IP6K3: variants seen among roughly 807,000 people sequenced by gnomAD.
IP6K3 encodes ATP:1D-myo-inositol-hexakisphosphate phosphotransferase.
A neutral mutation model predicts 28.8 loss-of-function variants in IP6K3; 20 were observed. That is an observed-to-expected ratio of 0.70 (90% CI 0.49 to 1.01). IP6K3 has a LOEUF of 1.01. IP6K3 is among the 50% of genes least tolerant of loss of function. The probability of loss-of-function intolerance (pLI) is 0.00; values close to 1 mark genes in which losing one functional copy is unlikely to be tolerated. For synonymous variants in IP6K3, 213 were observed against 221.3 expected (o/e 0.96, Z 0.33); for missense variants, 480 against 537.1 (o/e 0.89, Z 1.05).
chr6:33,744,753 C>T lies in IP6K3; in HGVS notation c.-180+2005G>A, dbSNP rs1766846047. Among the ~76,000 whole-genome samples, 1 of 152,218 alleles carries T rather than the reference C, an allele frequency of 6.6e-6. No homozygotes were observed. Among genetic ancestry groups the T allele is most frequent in the South Asian group, 2.1e-4 (1 of 4,828 alleles). On this transcript the variant is annotated intron_variant, in intron 1 of 5. Transcript: ENST00000293756. This position sits in a 1 kb window ranked among gnomAD's most constrained non-coding sequence, Gnocchi z 4.4. The stretch of plus-strand genomic sequence containing the variant: ...GATGGCAGCTGAAGTTCTGCCTCCA[C>T]CAGGCAGATGTTTTTGAAAAGCTCA...
upstream of IP6K3, among the ~76,000 whole-genome samples, chr6:33,748,418 G>A (rs1461998664): frequency 6.6e-6 from 1 of 151,896 alleles, no homozygotes; most frequent in East Asian, 1.9e-4. Flanking sequence ...TGCCCTCTAC[G>A]CCCACTTCAA....
At chr6:33,750,183 C>T (rs955576390), upstream of IP6K3, among the ~76,000 whole-genome samples, 15 of 152,236 alleles carry the variant, frequency 9.9e-5, no homozygotes, top group Non-Finnish European at 1.9e-4. This position sits in a 1 kb window ranked among gnomAD's most constrained non-coding sequence, Gnocchi z 4.3. Flanking sequence ...TGGCCTGGCC[C>T]ACCATGTGGT....
At position 33,743,671 on chromosome 6, in the gene IP6K3, C is replaced by T. The variant is rs576150592; in HGVS notation, c.-180+3087G>A. Among the ~76,000 whole-genome samples the T allele has an allele frequency of 2.1e-4, 32 of 152,202 alleles. 1 individual carries two copies. Among genetic ancestry groups the T allele is most frequent in the East Asian group, 9.7e-4 (5 of 5,178 alleles). On this transcript the variant is annotated intron_variant, in intron 1 of 5. Coordinates refer to ENST00000293756, the MANE Select transcript of IP6K3 (RefSeq NM_054111.5). ...CCTCTGTCCGTGTGGCTCTCCGGCT[C>T]GGTGGGATCAATACCTAGTGCTGGG... is the stretch of plus-strand genomic sequence containing the variant.
At chr6:33,748,954 C>T (rs1766983993), upstream of IP6K3, among the ~76,000 whole-genome samples, 1 of 152,060 alleles carries the variant, frequency 6.6e-6, no homozygotes, top group African/African-American at 2.4e-5. Context: ...CTCTTGTGTG[C>T]TCTGTCCCTC....
At chr6:33,759,589 C>T in the IP6K3 span, among the ~76,000 whole-genome samples, 3 of 152,166 alleles carry the variant, frequency 2.0e-5, no homozygotes, top group African/African-American at 4.8e-5. Flanking sequence ...GAAGGCCGGG[C>T]GTGGTGGCTC....
upstream of IP6K3, among the ~76,000 whole-genome samples, chr6:33,749,895 C>G (rs1383378141): frequency 6.6e-6 from 1 of 152,094 alleles, no homozygotes; most frequent in East Asian, 1.9e-4. Flanking sequence ...GCGTGGCACT[C>G]ACTATTCTGT....
At chr6:33,754,180 A>T in the IP6K3 span, among the ~76,000 whole-genome samples, 1 of 152,066 alleles carries the variant, frequency 6.6e-6, no homozygotes, top group African/African-American at 2.4e-5. Flanking sequence ...GGCCCCCCAG[A>T]TATACCCAGC....
chr6:33,729,661 T>C (rs1321619216), intron 2 of IP6K3, among the ~76,000 whole-genome samples: 2 of 152,168 alleles, frequency 1.3e-5, no homozygotes, highest in Admixed American at 6.5e-5. Flanking sequence ...CAGTCCCTGG[T>C]TGTACCCCTG....
chr6:33,761,397 G>A, the IP6K3 span, among the ~76,000 whole-genome samples: 5 of 152,114 alleles, frequency 3.3e-5, no homozygotes, highest in Admixed American at 6.5e-5. Context: ...CTGAGGGGCC[G>A]GGGCTGGCCA....
In IP6K3 at chr6:33,726,591, G is replaced by A. The variant is rs1030600455; in HGVS notation, c.589+140C>T. On this transcript the variant is annotated intron_variant, in intron 4 of 5. Coordinates refer to ENST00000293756, the MANE Select transcript of IP6K3 (RefSeq NM_054111.5). ...CGGGTTTGAGGGCTTGTGCCTTCCA[G>A]CTATCCCTCACATCTGTCTCTCCCT... 42 of 849,190 alleles carry A rather than the reference G, an allele frequency of 4.9e-5. No individual in the cohort carries two copies. In the African/African-American group the frequency reaches 6.9e-4, roughly 14 times the overall value. The allele number at this position is 849,190 out of a possible 1,614,324, so 52.6% of individuals were successfully genotyped here.
At chr6:33,727,719 A>G (rs1036353574) in intron 3 of IP6K3, 1 of 612,288 alleles carries the variant, frequency 1.6e-6, no homozygotes, top group Non-Finnish European at 2.0e-6. Context: ...AATTAGCCAC[A>G]CTTTTCCTCT....
At chr6:33,730,484 G>A (rs1428116372) in intron 2 of IP6K3, among the ~76,000 whole-genome samples, 2 of 152,132 alleles carry the variant, frequency 1.3e-5, no homozygotes, top group African/African-American at 2.4e-5. Context: ...TAATGATAAC[G>A]CTGTCCCTGA....
upstream of IP6K3, among the ~76,000 whole-genome samples, chr6:33,751,482 C>T (rs935573209): frequency 2.7e-5 from 3 of 109,208 alleles, no homozygotes; most frequent in Admixed American, 1.0e-4. This position sits in a 1 kb window ranked among gnomAD's most constrained non-coding sequence, Gnocchi z 4.3. Context: ...CCTCTGCAGG[C>T]CGTGTGTGTG....
the IP6K3 span, among the ~76,000 whole-genome samples, chr6:33,755,063 T>G: frequency 6.6e-6 from 1 of 152,284 alleles, no homozygotes; most frequent in South Asian, 2.1e-4. Flanking sequence ...AGGTGAGACA[T>G]AGTGAGACCT....
At chr6:33,761,489 T>C in the IP6K3 span, among the ~76,000 whole-genome samples, 2 of 152,120 alleles carry the variant, frequency 1.3e-5, no homozygotes. Flanking sequence ...TTACCTGGAC[T>C]TAGCCCACCT....
chr6:33,725,369 A>C, intron 5 of IP6K3, 72 bp downstream of exon 5: 1 of 1,451,972 alleles, frequency 6.9e-7, no homozygotes, highest in Non-Finnish European at 9.2e-7. Flanking sequence ...TGGCATCTGG[A>C]TGGGAGATAT....
chr6:33,726,749 G>C lies in IP6K3; in HGVS notation c.571C>G (p.Pro191Ala). Residue 191 changes from proline to alanine, a missense_variant, in exon 4 of 6, where the codon CCA becomes GCA. Physicochemically the swap from Pro to Ala is conservative, Grantham distance 27. Coordinates refer to ENST00000293756, the MANE Select transcript of IP6K3 (RefSeq NM_054111.5). ...AHLTRLCSEY[P>A]ENKRHRFLLL... ...AGGATACGATGCCGCTTGTTCTCTG[G>C]GTACTCGGAGCACAGGCGGGTCAGG... 1.3e-6 allele frequency: 2 copies of C among 1,598,466 alleles called. No homozygotes were observed. Among genetic ancestry groups the C allele is most frequent in the South Asian group, 2.2e-5 (2 of 90,128 alleles).
rs1449479583 is a variant in IP6K3 at position 33,735,451 on chromosome 6, G to A, written c.26C>T (p.Ala9Val). 1 of 1,611,092 alleles carries A rather than the reference G, an allele frequency of 6.2e-7. No homozygotes were observed. Among genetic ancestry groups the A allele is most frequent in the African/African-American group, 1.3e-5 (1 of 75,054 alleles). The change falls in exon 2 of 6, where the codon GCC becomes GTC. Residue 9 changes from alanine (A) to valine (V), a missense_variant. Physicochemically the swap from Ala to Val is moderately conservative, Grantham distance 64. Transcript: ENST00000293756. ...CTGCACGCCTGCCCTCATGTCCCCG[G>A]CGTCTGCGCTGTTTTGCACAACCAT... MVVQNSAD[A>V]GDMRAGVQLE... is the part of the protein sequence containing the mutation.
chr6:33,760,029 T>A, the IP6K3 span, among the ~76,000 whole-genome samples: 1 of 152,132 alleles, frequency 6.6e-6, no homozygotes, highest in Admixed American at 6.5e-5. Flanking sequence ...AGAGAGGGAC[T>A]GAGCCTGCGA....
Sources: allele counts gnomAD v4.1 joint callset (sites outside exome capture counted in the v4.1 genomes callset), GRCh38; gene constraint gnomAD v4.1.1; non-coding constraint Gnocchi (gnomAD v3.1); transcripts MANE v1.5; gene names NCBI Gene and HGNC (gene_info 2026-07-23, HGNC 2026-07-21).